The following CADM1 variants were observed in gnomAD, a reference collection of about 807,000 sequenced individuals.
CADM1 encodes the protein TSLC-1.
CADM1 carries 15 observed loss-of-function variants against 53.1 expected under a neutral mutation model. The observed-to-expected ratio is 0.28, with a 90% CI of 0.19 to 0.44. The LOEUF (loss-of-function observed/expected upper bound fraction) is 0.44, where lower values mean the gene tolerates loss of function less well. CADM1 is among the 20% of genes least tolerant of loss of function. The probability of loss-of-function intolerance (pLI) is 1.00; values close to 1 mark genes in which losing one functional copy is unlikely to be tolerated. For missense variants in CADM1, 434 were observed against 611.3 expected, an observed-to-expected ratio of 0.71 and a Z score of 3.06; for synonymous variants, 281 against 243.0, an observed-to-expected ratio of 1.16 and a Z score of -1.45.
chr11:115,284,879 T>C (rs1304946129), intron 1 of CADM1, among the ~76,000 whole-genome samples: 1 of 152,254 alleles, frequency 6.6e-6, no homozygotes, highest in African/African-American at 2.4e-5. Context: ...AAGTTCGTTC[T>C]TATTAAATGA....
intron 1 of CADM1, chr11:115,333,741 T>C (rs934976349): frequency 1.3e-5 from 2 of 152,160 alleles, no homozygotes; most frequent in Admixed American, 6.6e-5. Flanking sequence ...TGAAGATGTC[T>C]AAAATATTCA....
chr11:115,396,530 T>C (rs1413992026), intron 1 of CADM1, among the ~76,000 whole-genome samples: 1 of 152,206 alleles, frequency 6.6e-6, no homozygotes, highest in African/African-American at 2.4e-5. Flanking sequence ...TATTTATTTA[T>C]TTTTAGGAGC....
intron 1 of CADM1, among the ~76,000 whole-genome samples, chr11:115,289,558 T>C (rs897663122): frequency 6.6e-6 from 1 of 150,756 alleles, no homozygotes; most frequent in Non-Finnish European, 1.5e-5. Context: ...GAAGTGTGGC[T>C]ACAGCGACTA....
chr11:115,198,440 T>C lies in CADM1; in HGVS notation c.1079-2A>G. ...CTGGTTCTGTCGTCGCCGTTGTGTCTACAGACGGGAACAGAGGATTGGAGG... is the reference window on the plus strand; with the variant it reads ...CTGGTTCTGTCGTCGCCGTTGTGTCCACAGACGGGAACAGAGGATTGGAGG... On this transcript the variant is annotated splice_acceptor_variant, in intron 8 of 11. Transcript: ENST00000331581. LOFTEE classifies it high-confidence loss of function. 3 of 1,595,168 alleles carry C rather than the reference T, an allele frequency of 1.9e-6. No individual in the cohort carries two copies. The highest frequency in any genetic ancestry group is 2.5e-6 in the Non-Finnish European group (3 of 1,178,324).
intron 1 of CADM1, among the ~76,000 whole-genome samples, chr11:115,297,565 AT>A (rs1944111949): frequency 6.6e-6 from 1 of 152,214 alleles, no homozygotes; most frequent in Admixed American, 6.5e-5. Flanking sequence ...AAAATCATAC[AT>A]GTTGTGCTTC....
chr11:115,427,252 A>G lies in CADM1; in HGVS notation c.124+77019T>C, dbSNP rs558660345. ...TGAAGAACAGTTTACATGAGGAAAA[A>G]TCTTCAAACAACCCATATGTCTATC... On this transcript the variant is annotated intron_variant, in intron 1 of 11. Coordinates refer to ENST00000331581, the MANE Select transcript of CADM1 (RefSeq NM_001301043.2). Among the ~76,000 whole-genome samples, 73 of 152,328 alleles carry G rather than the reference A, an allele frequency of 4.8e-4. 1 individual carries two copies. The South Asian group carries it at 0.015, about 31-fold the overall frequency.
At chr11:115,176,828 G>A (rs1482384482) in intron 11 of CADM1, among the ~76,000 whole-genome samples, 1 of 152,186 alleles carries the variant, frequency 6.6e-6, no homozygotes, top group Non-Finnish European at 1.5e-5. Context: ...AGACATTAGA[G>A]CAGTGATTAT....
chr11:115,218,697 T>C (rs1175861938), intron 5 of CADM1, among the ~76,000 whole-genome samples: 1 of 152,138 alleles, frequency 6.6e-6, no homozygotes, highest in African/African-American at 2.4e-5. Context: ...TAAGTGTATG[T>C]TGGGATAGAT....
chr11:115,439,890 T>G (rs1948270520), intron 1 of CADM1, among the ~76,000 whole-genome samples: 1 of 152,262 alleles, frequency 6.6e-6, no homozygotes, highest in South Asian at 2.1e-4. Flanking sequence ...TTTAATAAAT[T>G]CTGTTATGCT....
At chr11:115,479,274 T>A (rs1949206066) in intron 1 of CADM1, among the ~76,000 whole-genome samples, 2 of 152,156 alleles carry the variant, frequency 1.3e-5, no homozygotes, top group African/African-American at 4.8e-5. Context: ...AAGTATCTTA[T>A]GTTCAAATTC....
intron 1 of CADM1, among the ~76,000 whole-genome samples, chr11:115,289,247 C>A (rs1247060218): frequency 6.6e-6 from 1 of 151,974 alleles, no homozygotes; most frequent in East Asian, 1.9e-4. Context: ...CGCCTGTAAT[C>A]CCAGCTACTA....
intron 1 of CADM1, among the ~76,000 whole-genome samples, chr11:115,360,174 A>G (rs1945989755): frequency 1.3e-5 from 2 of 152,182 alleles, no homozygotes; most frequent in Non-Finnish European, 2.9e-5. Context: ...CTGATACTGT[A>G]TTTGTTATTG....
At chr11:115,453,808 C>A (rs1948627686) in intron 1 of CADM1, among the ~76,000 whole-genome samples, 1 of 152,132 alleles carries the variant, frequency 6.6e-6, no homozygotes, top group African/African-American at 2.4e-5. Flanking sequence ...AGAGCCTCAT[C>A]AAGTATTTCC....
At chr11:115,358,108 G>T (rs948281442) in intron 1 of CADM1, among the ~76,000 whole-genome samples, 1 of 152,136 alleles carries the variant, frequency 6.6e-6, no homozygotes, top group African/African-American at 2.4e-5. Flanking sequence ...ATCAAGAGAA[G>T]AAACATACTC....
chr11:115,337,708 CTATAAA>C (rs1479130362), intron 1 of CADM1, among the ~76,000 whole-genome samples: 1 of 152,008 alleles, frequency 6.6e-6, no homozygotes, highest in African/African-American at 2.4e-5. Context: ...TATCACAATA[CTATAAA>C]TAAACTAGAG....
At chr11:115,337,065 T>G (rs192017637) in intron 1 of CADM1, among the ~76,000 whole-genome samples, 17 of 152,310 alleles carry the variant, frequency 1.1e-4, no homozygotes, top group South Asian at 8.3e-4. Flanking sequence ...AATTAATGTT[T>G]CCACTAATAC....
intron 6 of CADM1, among the ~76,000 whole-genome samples, chr11:115,217,093 T>TC (rs1348939269): frequency 6.6e-6 from 1 of 152,114 alleles, no homozygotes; most frequent in Non-Finnish European, 1.5e-5. Flanking sequence ...TTTTTTTCTT[T>TC]CCCCCACTAA....
chr11:115,461,130 C>T lies in CADM1; in HGVS notation c.124+43141G>A, dbSNP rs187021341. Among the ~76,000 whole-genome samples the T allele has an allele frequency of 1.3e-4, 20 of 152,140 alleles. No homozygotes were observed. In the East Asian group the frequency reaches 3.3e-3, roughly 25 times the overall value. On this transcript the variant is annotated intron_variant, in intron 1 of 11. Transcript: ENST00000331581. Reference sequence around the variant, plus strand: ...GGAAATGGAAACACACACACACACACACATACTTGTATTATATAATAAGTA... The same window carrying T: ...GGAAATGGAAACACACACACACACATACATACTTGTATTATATAATAAGTA...
intron 1 of CADM1, among the ~76,000 whole-genome samples, chr11:115,292,495 A>G (rs901884030): frequency 1.3e-5 from 2 of 152,248 alleles, no homozygotes; most frequent in African/African-American, 4.8e-5. Flanking sequence ...TCTGAGGCCA[A>G]TTTAAATTCT....
Sources: allele counts gnomAD v4.1 joint callset (sites outside exome capture counted in the v4.1 genomes callset), GRCh38; gene constraint gnomAD v4.1.1; transcripts MANE v1.5; gene names NCBI Gene and HGNC (gene_info 2026-07-23, HGNC 2026-07-21).